NAALADL2: variants seen among roughly 807,000 people sequenced by gnomAD.
The protein encoded by NAALADL2 is N-acetylated alpha-linked acidic dipeptidase like 2.
In NAALADL2, 76 loss-of-function variants were observed where a neutral mutation model predicts 87.2. The observed-to-expected ratio is 0.87, with a 90% confidence interval of 0.72 to 1.05. NAALADL2 has a LOEUF of 1.05. Among genes scored for constraint, NAALADL2 ranks in the 50% least tolerant of loss-of-function variants. The probability of loss-of-function intolerance (pLI) is 0.00; values close to 1 mark genes in which losing one functional copy is unlikely to be tolerated. For missense variants in NAALADL2, 1,089 were observed against 945.8 expected, an observed-to-expected ratio of 1.15 and a Z score of -1.99; for synonymous variants, 354 against 331.0, an observed-to-expected ratio of 1.07 and a Z score of -0.75.
chr3:175,430,781 T>A (rs560163702), intron 5 of NAALADL2, among the ~76,000 whole-genome samples: 2 of 152,236 alleles, frequency 1.3e-5, no homozygotes, highest in Non-Finnish European at 2.9e-5. Context: ...TATTGATAAC[T>A]ATAATGCAGA....
intron 2 of NAALADL2, among the ~76,000 whole-genome samples, chr3:174,651,957 C>G (rs1383422218): frequency 1.3e-5 from 2 of 152,130 alleles, no homozygotes; most frequent in African/African-American, 2.4e-5. Flanking sequence ...GAGTACATTA[C>G]CAGCACACTA....
At chr3:174,571,335 T>C (rs1347902736) in intron 2 of NAALADL2, among the ~76,000 whole-genome samples, 3 of 152,150 alleles carry the variant, frequency 2.0e-5, no homozygotes, top group African/African-American at 7.2e-5. Context: ...GACAGTAGTA[T>C]AAATAAACAT....
intron 1 of NAALADL2, among the ~76,000 whole-genome samples, chr3:174,510,586 C>A (rs1179979224): frequency 2.6e-5 from 4 of 151,772 alleles, no homozygotes; most frequent in African/African-American, 9.7e-5. Context: ...TCTCTCATTT[C>A]TTTTTCTTGA....
chr3:175,021,706 C>G (rs1751582234), intron 1 of NAALADL2, among the ~76,000 whole-genome samples: 2 of 152,072 alleles, frequency 1.3e-5, no homozygotes, highest in African/African-American at 4.8e-5. Flanking sequence ...TTGTATTGCT[C>G]TTTAATAGGG....
chr3:175,120,400 T>C (rs1215393790), intron 2 of NAALADL2, among the ~76,000 whole-genome samples: 2 of 151,822 alleles, frequency 1.3e-5, no homozygotes, highest in Non-Finnish European at 2.9e-5. Flanking sequence ...GCATCTGGTC[T>C]TCTGTATTTA....
chr3:174,613,446 A>G (rs76083489), intron 2 of NAALADL2, among the ~76,000 whole-genome samples: 4 of 20,982 alleles, frequency 1.9e-4, no homozygotes, highest in Non-Finnish European at 2.7e-4. Context: ...TTAGAAGTCT[A>G]TCTACTTAGT....
chr3:174,493,582 G>A (rs994476188), intron 1 of NAALADL2, among the ~76,000 whole-genome samples: 2 of 152,054 alleles, frequency 1.3e-5, no homozygotes, highest in Non-Finnish European at 2.9e-5. Context: ...GGCAGCCCTG[G>A]CAAATTAATA....
chr3:175,472,904 T>C (rs1725106995), intron 9 of NAALADL2, among the ~76,000 whole-genome samples: 1 of 152,064 alleles, frequency 6.6e-6, no homozygotes, highest in African/African-American at 2.4e-5. Context: ...CAAATGAGCC[T>C]CGGATGTCTC....
At chr3:174,511,954 G>A (rs1719624894) in intron 1 of NAALADL2, among the ~76,000 whole-genome samples, 1 of 151,618 alleles carries the variant, frequency 6.6e-6, no homozygotes, top group African/African-American at 2.4e-5. Flanking sequence ...TCTTCCTCTT[G>A]CCTGTTTTCT....
At chr3:174,929,516 A>G (rs1736561374) in intron 1 of NAALADL2, among the ~76,000 whole-genome samples, 1 of 152,172 alleles carries the variant, frequency 6.6e-6, no homozygotes, top group Non-Finnish European at 1.5e-5. Flanking sequence ...CATTATATAT[A>G]TTAATGTATG....
At chr3:174,768,321 A>G (rs990769246) in intron 3 of NAALADL2, among the ~76,000 whole-genome samples, 8 of 152,180 alleles carry the variant, frequency 5.3e-5, no homozygotes, top group Non-Finnish European at 1.0e-4. Flanking sequence ...GGGAGGCAGT[A>G]CAACTTAGTG....
intron 6 of NAALADL2, among the ~76,000 whole-genome samples, chr3:175,448,529 C>A (rs1242664634): frequency 6.6e-6 from 1 of 152,156 alleles, no homozygotes; most frequent in African/African-American, 2.4e-5. Context: ...CACTGTCCTG[C>A]CCTCAAGGAG....
intron 10 of NAALADL2, among the ~76,000 whole-genome samples, chr3:175,609,231 T>G (rs138359935): frequency 3.5e-4 from 54 of 152,174 alleles, no homozygotes; most frequent in Non-Finnish European, 6.5e-4. Context: ...GAAAAAAAAG[T>G]GTAGTCTGAA....
intron 1 of NAALADL2, among the ~76,000 whole-genome samples, chr3:174,896,082 TA>T (rs1731495125): frequency 6.6e-6 from 1 of 151,878 alleles, no homozygotes; most frequent in South Asian, 2.1e-4. Context: ...CCACAGCTAG[TA>T]TACAAAAAAC....
At chr3:175,245,383 T>G (rs548309375) in intron 3 of NAALADL2, among the ~76,000 whole-genome samples, 1 of 152,342 alleles carries the variant, frequency 6.6e-6, no homozygotes, top group African/African-American at 2.4e-5. Context: ...CTTTGGAGAC[T>G]ATAGATGTAA....
chr3:175,132,201 T>C (rs1728116297), intron 2 of NAALADL2, among the ~76,000 whole-genome samples: 1 of 69,940 alleles, frequency 1.4e-5, no homozygotes, highest in Admixed American at 1.4e-4. Flanking sequence ...CACTTCCCAG[T>C]AGGGGCGGCC....
At chr3:174,828,351 G>A (rs1281875570) in intron 3 of NAALADL2, among the ~76,000 whole-genome samples, 1 of 152,184 alleles carries the variant, frequency 6.6e-6, no homozygotes, top group East Asian at 1.9e-4. Context: ...AGGTGTCTGC[G>A]AGTTAGAGAA....
chr3:174,462,311 T>G (rs948204208), intron 1 of NAALADL2, among the ~76,000 whole-genome samples: 2 of 152,118 alleles, frequency 1.3e-5, no homozygotes, highest in Admixed American at 6.6e-5. Context: ...TGTATAATGA[T>G]GTAGCCACCT....
intron 5 of NAALADL2, among the ~76,000 whole-genome samples, chr3:175,439,788 A>G: frequency 8.7e-6 from 1 of 114,746 alleles, no homozygotes; most frequent in East Asian, 2.4e-4. Context: ...GGATATTCGT[A>G]CTTTGTTAGA....
Sources: allele counts gnomAD v4.1 joint callset (sites outside exome capture counted in the v4.1 genomes callset), GRCh38; gene constraint gnomAD v4.1.1; transcripts MANE v1.5; gene names NCBI Gene and HGNC (gene_info 2026-07-23, HGNC 2026-07-21).